The following FBN2 variants were observed in gnomAD, a reference collection of about 807,000 sequenced individuals.
FBN2 encodes the protein fibrillin-2.
FBN2 carries 105 observed loss-of-function variants against 355.6 expected under a neutral mutation model. The ratio of observed to expected loss-of-function variants is 0.30; its 90% CI spans 0.25 to 0.35. The LOEUF is 0.35. FBN2 is among the 10% of genes least tolerant of loss of function. The pLI, the probability that FBN2 is intolerant of heterozygous loss-of-function variation, is 1.00. For synonymous variants in FBN2, 1,350 were observed against 1,301.2 expected (o/e 1.04, Z -0.81); for missense variants, 3,280 against 3,758.7 (o/e 0.87, Z 3.33).
chr5:128,416,576 T>A (rs2127009930), intron 7 of FBN2, among the ~76,000 whole-genome samples: 1 of 152,334 alleles, frequency 6.6e-6, no homozygotes, highest in South Asian at 2.1e-4. Context: ...CATCTTGAGC[T>A]AATTTTTGTA....
At chr5:128,276,279 T>A in intron 58 of FBN2, 119 bp from the exon 59 acceptor site, 1 of 1,028,554 alleles carries the variant, frequency 9.7e-7, no homozygotes, top group South Asian at 1.3e-5. Flanking sequence ...AAGTGGAATA[T>A]AGCCAGAGAG....
At chr5:128,406,901 C>G (rs955375043) in intron 8 of FBN2, among the ~76,000 whole-genome samples, 2 of 152,150 alleles carry the variant, frequency 1.3e-5, no homozygotes, top group African/African-American at 4.8e-5. Flanking sequence ...CAACTGGCAA[C>G]AGTAACCCTA....
At chr5:128,527,760 C>T in intron 4 of FBN2, 112 bp downstream of exon 4, 1 of 748,824 alleles carries the variant, frequency 1.3e-6, no homozygotes, top group Non-Finnish European at 2.3e-6. Flanking sequence ...GTATGGTTTA[C>T]TACATAAAAT....
intron 19 of FBN2, among the ~76,000 whole-genome samples, chr5:128,361,490 T>C (rs1189814594): frequency 6.6e-6 from 1 of 152,216 alleles, no homozygotes; most frequent in Non-Finnish European, 1.5e-5. Context: ...CGCTTTAAAA[T>C]GTTTGTTCCA....
chr5:128,274,646 C>T lies in FBN2; in HGVS notation c.7632G>A (p.Gln2544=). The T allele has an allele frequency of 6.2e-7, 1 of 1,613,264 alleles. No individual in the cohort carries two copies. Among genetic ancestry groups the T allele is most frequent in the Non-Finnish European group, 8.5e-7 (1 of 1,179,250 alleles). The stretch of plus-strand genomic sequence containing the variant: ...CCCCCAGGGTGTTGACACAGAGGAA[C>T]TGGCAGTTATGCTGCTTTGTTTGAC... ...DECQTKQHNC[Q]FLCVNTLGGF... The change falls in exon 60 of 65, where the codon CAG becomes CAA. Residue 2544 remains glutamine, a synonymous_variant. Transcript: ENST00000262464.
At chr5:128,520,034 T>C (rs78160099) in intron 4 of FBN2, among the ~76,000 whole-genome samples, 12,504 of 152,270 alleles carry the variant, frequency 0.082, 636 homozygotes, top group Non-Finnish European at 0.12. Context: ...AAAAGCTGTG[T>C]AAGCATAATA....
chr5:128,453,305 C>G (rs1165012042), intron 6 of FBN2, among the ~76,000 whole-genome samples: 3 of 152,194 alleles, frequency 2.0e-5, no homozygotes, highest in Admixed American at 2.0e-4. Context: ...AGAAACTTGG[C>G]ATGTTCCTCT....
At chr5:128,387,089 T>C (rs1437853781) in intron 11 of FBN2, among the ~76,000 whole-genome samples, 1 of 152,142 alleles carries the variant, frequency 6.6e-6, no homozygotes, top group African/African-American at 2.4e-5. Context: ...TTCTGGTTGG[T>C]AGGCTTTTCA....
intron 59 of FBN2, 100 bp downstream of exon 59, chr5:128,275,938 T>G (rs2126807136): frequency 1.5e-6 from 2 of 1,333,486 alleles, no homozygotes; most frequent in East Asian, 4.7e-5. Flanking sequence ...GACCTTTTAA[T>G]GAAGGTGATG....
chr5:128,436,676 A>G lies in FBN2; in HGVS notation c.952+9805T>C, dbSNP rs529144821. ...CCCAGTGGCTCCACTTAAAAAAAAAAAAAAAGAAAAAAAAGTATGGAAATA... is the reference window on the plus strand; with the variant it reads ...CCCAGTGGCTCCACTTAAAAAAAAAGAAAAAGAAAAAAAAGTATGGAAATA... On this transcript the variant is annotated intron_variant, in intron 7 of 64. Coordinates refer to ENST00000262464, the MANE Select transcript of FBN2 (RefSeq NM_001999.4). Among the ~76,000 whole-genome samples the G allele has an allele frequency of 9.9e-5, 15 of 151,504 alleles. No individual in the cohort carries two copies. In the East Asian group the frequency reaches 2.7e-3, roughly 27 times the overall value.
rs1749827217 is a variant in FBN2 at position 128,304,985 on chromosome 5, C to A, written c.5772G>T (p.Lys1924Asn). ...SYQCICHNGFKASQDQTMCMD... is the reference protein window; with the variant it reads ...SYQCICHNGFNASQDQTMCMD... ...TGCACATGGTCTGGTCCTGAGAAGC[C>A]TTAAAGCCATTGTGGCAGATGCACT... Residue 1924 changes from lysine (K) to asparagine (N), a missense_variant, in exon 45 of 65, where the codon AAG becomes AAT. Physicochemically the swap from Lys to Asn is moderately conservative, Grantham distance 94. Transcript: ENST00000262464. The A allele has an allele frequency of 6.2e-7, 1 of 1,613,846 alleles. No individual in the cohort carries two copies. Among genetic ancestry groups the A allele is most frequent in the Admixed American group, 1.7e-5 (1 of 59,940 alleles).
At chr5:128,449,323 A>G (rs1409581540) in intron 6 of FBN2, among the ~76,000 whole-genome samples, 1 of 147,416 alleles carries the variant, frequency 6.8e-6, no homozygotes, top group East Asian at 2.0e-4. Flanking sequence ...ACAGTATACT[A>G]TATAGTATAC....
At position 128,273,973 on chromosome 5, in the gene FBN2, C is replaced by G. The variant is rs766722063; in HGVS notation, c.7712-5G>C. On this transcript the variant is annotated splice_region_variant and splice_polypyrimidine_tract_variant and intron_variant, in intron 60 of 64. Coordinates refer to ENST00000262464, the MANE Select transcript of FBN2 (RefSeq NM_001999.4). ...GAGACCCACATTCGTTGTTGTCTGG[C>G]AAAGCATCAAGAAGCAGAGCGTCAA... 1 of 1,613,786 alleles carries G rather than the reference C, an allele frequency of 6.2e-7. No individual in the cohort carries two copies. Among genetic ancestry groups the G allele is most frequent in the South Asian group, 1.1e-5 (1 of 91,068 alleles).
intron 34 of FBN2, among the ~76,000 whole-genome samples, chr5:128,324,796 T>C (rs534573287): frequency 2.0e-5 from 3 of 152,114 alleles, no homozygotes; most frequent in Non-Finnish European, 4.4e-5. Flanking sequence ...TTTTTTTGTA[T>C]TTTTAGTAGA....
intron 8 of FBN2, among the ~76,000 whole-genome samples, chr5:128,400,110 G>A (rs1752758458): frequency 6.6e-6 from 1 of 151,624 alleles, no homozygotes; most frequent in Non-Finnish European, 1.5e-5. Context: ...GAAAGATTGA[G>A]AGGGAAAATA....
At chr5:128,461,393 A>G (rs1458641730) in intron 6 of FBN2, among the ~76,000 whole-genome samples, 1 of 152,174 alleles carries the variant, frequency 6.6e-6, no homozygotes, top group Admixed American at 6.5e-5. Context: ...ATGCTTTTAC[A>G]CTGTTGGTGG....
intron 11 of FBN2, among the ~76,000 whole-genome samples, chr5:128,384,804 T>TG (rs1162114925): frequency 6.6e-6 from 1 of 151,970 alleles, no homozygotes; most frequent in Non-Finnish European, 1.5e-5. Context: ...TTTTCAGACA[T>TG]GGGCCCAAAG....
intron 5 of FBN2, among the ~76,000 whole-genome samples, chr5:128,509,090 T>C (rs72785160): frequency 0.013 from 1,943 of 152,220 alleles, 22 homozygotes; most frequent in Admixed American, 0.028. Context: ...TTCAAGTTTC[T>C]TTTGCTTGGG....
Position 128,345,390 on chromosome 5 carries a change from C to G in FBN2, c.3184G>C (p.Gly1062Arg). 1.2e-6 allele frequency: 2 copies of G among 1,614,146 alleles called. No individual in the cohort carries two copies. Among genetic ancestry groups the G allele is most frequent in the Non-Finnish European group, 1.7e-6 (2 of 1,180,024 alleles). The change falls in exon 24 of 65, where the codon GGG (glycine) becomes CGG (arginine). Residue 1062 changes from glycine to arginine, a missense_variant. This residue lies in a region of FBN2 where 2,284 missense variants were observed against 2,749.5 expected (regional missense o/e 0.83). Coordinates refer to ENST00000262464, the MANE Select transcript of FBN2 (RefSeq NM_001999.4). Reference protein sequence around the residue: ...CPRGAGFANRGDVLTGRPFYK... With the variant: ...CPRGAGFANRRDVLTGRPFYK... ...AATGGCCGCCCAGTAAGAACATCCC[C>G]TCGGTTAGCAAAGCCAGCCCCGCGG...
Sources: gnomAD v4.1 joint callset for allele counts (sites outside exome capture counted in the v4.1 genomes callset) on GRCh38, gnomAD v4.1.1 for gene constraint, gnomAD v4.1.1 regional missense constraint, MANE v1.5 for transcripts, NCBI Gene and HGNC (gene_info 2026-07-23, HGNC 2026-07-21) for gene names.